Variants in USP32 observed in about 807,000 individuals in gnomAD.
The protein encoded by USP32 is ubiquitin specific peptidase 32, also known as ubiquitin carboxyl-terminal hydrolase 32.
A neutral mutation model predicts 204.8 loss-of-function variants in USP32; 59 were observed. The observed-to-expected ratio is 0.29, with a 90% CI of 0.23 to 0.36. The LOEUF (loss-of-function observed/expected upper bound fraction) is 0.36, where lower values mean the gene tolerates loss of function less well. Ranked by LOEUF, USP32 falls within the 10% of genes least tolerant of loss-of-function variation. The pLI, the probability that USP32 is intolerant of heterozygous loss-of-function variation, is 1.00. For missense variants in USP32, 1,160 were observed against 1,946.4 expected, an observed-to-expected ratio of 0.60 and a Z score of 7.60; for synonymous variants, 517 against 678.4, an observed-to-expected ratio of 0.76 and a Z score of 3.70.
chr17:60,216,269 T>A (rs1262115733), intron 16 of USP32, among the ~76,000 whole-genome samples: 2 of 144,406 alleles, frequency 1.4e-5, no homozygotes, highest in African/African-American at 2.7e-5. Flanking sequence ...GACAAGAGAT[T>A]ATGGAAATCA....
intron 29 of USP32, among the ~76,000 whole-genome samples, chr17:60,188,181 A>AT (rs1217908624): frequency 2.6e-5 from 4 of 152,170 alleles, no homozygotes; most frequent in African/African-American, 9.6e-5. Context: ...GGGTGACATC[A>AT]TATTGCCCAG....
chr17:60,360,611 G>GTTGCAGTGAGCTGAGA (rs2089186813), intron 1 of USP32, among the ~76,000 whole-genome samples: 1 of 151,828 alleles, frequency 6.6e-6, no homozygotes, highest in South Asian at 2.1e-4. Flanking sequence ...GGAGGCAGAG[G>GTTGCAGTGAGCTGAGA]TTGCAGTGAG....
intron 12 of USP32, among the ~76,000 whole-genome samples, chr17:60,230,077 G>C (rs1450341353): frequency 6.6e-6 from 1 of 152,176 alleles, no homozygotes; most frequent in East Asian, 1.9e-4. Flanking sequence ...GCCTCCCAAA[G>C]TGCTGGGGTT....
chr17:60,216,423 T>G (rs2085104965), intron 16 of USP32, among the ~76,000 whole-genome samples: 1 of 151,978 alleles, frequency 6.6e-6, no homozygotes, highest in Non-Finnish European at 1.5e-5. Flanking sequence ...AATATAAACT[T>G]ATCAATATAA....
chr17:60,324,888 A>G (rs1016691182), intron 2 of USP32, among the ~76,000 whole-genome samples: 4 of 152,180 alleles, frequency 2.6e-5, no homozygotes, highest in Non-Finnish European at 5.9e-5. Flanking sequence ...CTGTAATCCC[A>G]GCTACTCAGG....
At chr17:60,411,051 A>G (rs1340430829) in intron 1 of USP32, among the ~76,000 whole-genome samples, 1 of 150,636 alleles carries the variant, frequency 6.6e-6, no homozygotes, top group Non-Finnish European at 1.5e-5. Flanking sequence ...CAGCCAGGCC[A>G]GGCACGGTGG....
At position 60,415,767 on chromosome 17, in the gene USP32, T is replaced by C. The variant is rs1025140895; in HGVS notation, c.106+6479A>G. On this transcript the variant is annotated intron_variant, in intron 1 of 3. Coordinates refer to the USP32 transcript ENST00000588898. ...TCTTGGAGTCTTTATACAATTCTAA[T>C]TGGATAATTTGGAGCAAGAACAAAA... Among the ~76,000 whole-genome samples the C allele has an allele frequency of 7.2e-5, 11 of 152,344 alleles. No individual in the cohort carries two copies. The East Asian group carries it at 2.1e-3, about 29-fold the overall frequency.
At chr17:60,196,856 C>T (rs1336469897) in intron 27 of USP32, among the ~76,000 whole-genome samples, 1 of 151,888 alleles carries the variant, frequency 6.6e-6, no homozygotes, top group Admixed American at 6.6e-5. Flanking sequence ...AAATAAATAA[C>T]TTATTTAAGT....
At chr17:60,326,562 G>A (rs1336078556) in intron 2 of USP32, among the ~76,000 whole-genome samples, 1 of 152,142 alleles carries the variant, frequency 6.6e-6, no homozygotes, top group African/African-American at 2.4e-5. Context: ...GCCTCCCAAA[G>A]TGCTGGGATT....
intron 1 of USP32, among the ~76,000 whole-genome samples, chr17:60,405,344 A>G (rs531687560): frequency 3.9e-5 from 6 of 151,996 alleles, no homozygotes; most frequent in Non-Finnish European, 8.8e-5. Context: ...CTGGGATTAC[A>G]GGCACACACC....
At chr17:60,270,014 A>G (rs1338892492) in intron 6 of USP32, among the ~76,000 whole-genome samples, 2 of 152,230 alleles carry the variant, frequency 1.3e-5, no homozygotes, top group Non-Finnish European at 2.9e-5. Context: ...AAGCTCTTTC[A>G]TAAAGCAAAG....
In USP32 at chr17:60,255,233, T is replaced by TA; in HGVS notation, c.1015dup (p.Tyr339LeufsTer13). On this transcript the variant is annotated frameshift_variant, in exon 10 of 34. Coordinates refer to ENST00000300896, the MANE Select transcript of USP32 (RefSeq NM_032582.4). LOFTEE classifies it high-confidence loss of function. Reference sequence around the variant, plus strand: ...AACATTTTTCACACTCCAGATCTGATAGTCTTCCAGAGTAAGATGACCCAT... The same window carrying TA: ...AACATTTTTCACACTCCAGATCTGATAAGTCTTCCAGAGTAAGATGACCCAT... 1 of 1,612,088 alleles carries TA rather than the reference T, an allele frequency of 6.2e-7. No homozygotes were observed. Among genetic ancestry groups the TA allele is most frequent in the South Asian group, 1.1e-5 (1 of 90,582 alleles).
At chr17:60,238,770 C>T (rs1194511978) in intron 11 of USP32, among the ~76,000 whole-genome samples, 1 of 149,874 alleles carries the variant, frequency 6.7e-6, no homozygotes, top group Non-Finnish European at 1.5e-5. Context: ...TGCCATTGCA[C>T]TCCAGCCTGG....
intron 11 of USP32, among the ~76,000 whole-genome samples, chr17:60,247,964 G>A (rs1329585468): frequency 3.9e-5 from 6 of 152,134 alleles, no homozygotes; most frequent in Admixed American, 2.0e-4. Flanking sequence ...GATTACAGGC[G>A]TGAGCCACCA....
chr17:60,199,953 C>T (rs1355799109), intron 26 of USP32, among the ~76,000 whole-genome samples: 1 of 152,050 alleles, frequency 6.6e-6, no homozygotes, highest in Non-Finnish European at 1.5e-5. Context: ...CCCAGCACTT[C>T]AGGAGGCCGA....
At chr17:60,308,194 AC>A (rs1369585971) in intron 2 of USP32, among the ~76,000 whole-genome samples, 1 of 151,984 alleles carries the variant, frequency 6.6e-6, no homozygotes, top group East Asian at 1.9e-4. Flanking sequence ...GATACAGAAA[AC>A]CCTTGCGATA....
At chr17:60,229,318 C>T (rs895933827) in intron 12 of USP32, among the ~76,000 whole-genome samples, 2 of 152,206 alleles carry the variant, frequency 1.3e-5, no homozygotes, top group African/African-American at 4.8e-5. Flanking sequence ...ACTAGGATTA[C>T]AGGCATGAGT....
In USP32 at chr17:60,226,129, C is replaced by T. The variant is rs779040220; in HGVS notation, c.1342G>A (p.Gly448Arg). ...HPMEQVEDRI[G>R]SSLSYVNTTE... ...GTATTCACGTAACTGAGGCTGCTTC[C>T]AATTCTATCTTCGACCTGCTCCATA... Residue 448 changes from glycine (G) to arginine (R), a missense_variant, in exon 13 of 34, where the codon GGA becomes AGA. By Grantham distance (125) the Gly-to-Arg change is moderately radical (BLOSUM62 -2). Around this residue, in one of 8 missense-constraint regions of USP32, gnomAD observed 536 missense variants for 680.9 expected, o/e 0.79. Coordinates refer to ENST00000300896, the MANE Select transcript of USP32 (RefSeq NM_032582.4). 3 of 1,608,318 alleles carry T rather than the reference C, an allele frequency of 1.9e-6. No homozygotes were observed. Among genetic ancestry groups the T allele is most frequent in the Non-Finnish European group, 2.5e-6 (3 of 1,178,030 alleles).
chr17:60,241,108 C>T (rs2085865549), intron 11 of USP32, among the ~76,000 whole-genome samples: 1 of 152,204 alleles, frequency 6.6e-6, no homozygotes, highest in South Asian at 2.1e-4. Flanking sequence ...AGCGATTCTC[C>T]TGCCTCAGCC....
Sources: allele counts gnomAD v4.1 joint callset (sites outside exome capture counted in the v4.1 genomes callset), GRCh38; gene constraint gnomAD v4.1.1; regional missense constraint gnomAD v4.1.1; transcripts MANE v1.5; gene names NCBI Gene and HGNC (gene_info 2026-07-23, HGNC 2026-07-21).